NBPF14: variants seen among roughly 807,000 people sequenced by gnomAD.
NBPF14 encodes the protein NBPF family member NBPF14.
A neutral mutation model predicts 91.2 loss-of-function variants in NBPF14; 104 were observed. The observed-to-expected ratio is 1.14, with a 90% CI of 0.97 to 1.34. The LOEUF (loss-of-function observed/expected upper bound fraction) is 1.34. NBPF14 is among the 40% of genes most tolerant of loss of function. The pLI is 0.00. For missense variants in NBPF14, 908 were observed against 783.0 expected (o/e 1.16, Z -1.91); for synonymous variants, 294 against 303.8 (o/e 0.97, Z 0.34).
Position 148,579,071 on chromosome 1 carries a change from C to G in NBPF14, c.1801+3G>C. The G allele has an allele frequency of 1.9e-6, 1 of 536,166 alleles. No individual in the cohort carries two copies. The highest frequency in any genetic ancestry group is 2.0e-5 in the South Asian group (1 of 50,552). 33.2% of individuals were successfully genotyped at this position (536,166 alleles called of 1,614,324 possible). A position where few individuals can be genotyped will look rare whatever the true frequency, so the allele number is the denominator to read the frequency against. ...TTTATCACCTTCACAATGGAGTACT[C>G]ACTGCCTATGTCAACAGCCATGCAG... On this transcript the variant is annotated splice_donor_region_variant and intron_variant, in intron 13 of 70. Transcript: ENST00000619423.
chr1:148,587,361 T>C (rs1661717973), exon 8 of NBPF14: 3 of 1,582,956 alleles, frequency 1.9e-6, no homozygotes, highest in Non-Finnish European at 2.6e-6. Context: ...CTGTCGCTCA[T>C]TCCTCAGCAT....
chr1:148,538,201 T>C (rs1485102662), intron 64 of NBPF14, among the ~76,000 whole-genome samples, 195 bp from the exon 65 acceptor site: 164 of 44,942 alleles, frequency 3.6e-3, no homozygotes, highest in African/African-American at 0.017. Flanking sequence ...GAAAGACAGA[T>C]AGACACACAC....
intron 3 of NBPF14, among the ~76,000 whole-genome samples, chr1:148,593,165 G>A (rs1238527991): frequency 1.0e-4 from 15 of 146,818 alleles, no homozygotes; most frequent in East Asian, 1.9e-4. Flanking sequence ...CAGATGGGGC[G>A]AATTGAAAAG....
At chr1:148,533,819 G>C (rs1479043359) in intron 70 of NBPF14, 42 bp downstream of exon 70, 13 of 768,440 alleles carry the variant, frequency 1.7e-5, no homozygotes, top group Non-Finnish European at 2.9e-5. Flanking sequence ...TTGCCTCCAG[G>C]AGTTAACACA....
chr1:148,557,536 T>A lies in NBPF14; in HGVS notation c.4961A>T (p.Lys1654Ile), dbSNP rs1349661879. 7 of 1,076,282 alleles carry A rather than the reference T, an allele frequency of 6.5e-6. 1 individual carries two copies. The highest frequency in any genetic ancestry group is 5.7e-5 in the South Asian group (4 of 70,274). The allele number at this position is 1,076,282 out of a possible 1,614,324, so 66.7% of individuals were successfully genotyped here. A position where few individuals can be genotyped will look rare whatever the true frequency, so the allele number is the denominator to read the frequency against. Reference sequence around the variant, plus strand: ...GTCTTCTTCCTCTTCTTCGTCCTTTTTAAATCCTGCAATACATTCAGACAG... The same window carrying A: ...GTCTTCTTCCTCTTCTTCGTCCTTTATAAATCCTGCAATACATTCAGACAG... Residue 1654 changes from lysine (K) to isoleucine (I), a missense_variant, in exon 40 of 71, where the codon AAA (lysine) becomes ATA (isoleucine). Physicochemically the swap from Lys to Ile is moderately radical, Grantham distance 102. Coordinates refer to ENST00000619423, the Ensembl canonical transcript of NBPF14.
At chr1:148,534,592 T>A in intron 69 of NBPF14, 92 bp downstream of exon 69, 1 of 864,490 alleles carries the variant, frequency 1.2e-6, no homozygotes, top group Middle Eastern at 3.4e-4. Context: ...CAATGACATC[T>A]CTCGGGTGAG....
chr1:148,533,883 C>A (rs370126884), exon 70 of NBPF14: 4 of 759,584 alleles, frequency 5.3e-6, no homozygotes, highest in South Asian at 2.7e-5. Flanking sequence ...GGGTTTTGAT[C>A]TTCTTCCCCT....
chr1:148,566,131 A>G lies in NBPF14; in HGVS notation c.3715+12T>C, dbSNP rs1193340251. Reference sequence around the variant, plus strand: ...CAGTGGATCCTTATCACCTTCATAGAAAGGTACTCACCTCCCACGTCAAGA... The same window carrying G: ...CAGTGGATCCTTATCACCTTCATAGGAAGGTACTCACCTCCCACGTCAAGA... On this transcript the variant is annotated intron_variant, in intron 29 of 70. Transcript: ENST00000619423. 1 of 484,794 alleles carries G rather than the reference A, an allele frequency of 2.1e-6. No individual in the cohort carries two copies. The highest frequency in any genetic ancestry group is 3.5e-6 in the Non-Finnish European group (1 of 284,034). The allele number at this position is 484,794 out of a possible 1,614,324, so 30.0% of individuals were successfully genotyped here.
At chr1:148,594,933 T>G (rs1663066647) in intron 2 of NBPF14, among the ~76,000 whole-genome samples, 1 of 115,676 alleles carries the variant, frequency 8.6e-6, no homozygotes, top group Admixed American at 8.0e-5. Flanking sequence ...GCTGACCTCG[T>G]GCTCTGCCCG....
chr1:148,560,003 G>T (rs1239738631), intron 36 of NBPF14, 38 bp from the exon 37 acceptor site: 10 of 892,012 alleles, frequency 1.1e-5, no homozygotes, highest in Admixed American at 1.8e-5. Flanking sequence ...AAGCCAGGGG[G>T]AATCAGAAAC....
chr1:148,577,093 C>G lies in NBPF14; in HGVS notation c.2026+90G>C, dbSNP rs1373226958. 1.4e-5 allele frequency: 9 copies of G among 642,924 alleles called. 1 individual carries two copies. The highest frequency in any genetic ancestry group is 1.1e-4 in the East Asian group (4 of 36,286). The allele number at this position is 642,924 out of a possible 1,614,324, so 39.8% of individuals were successfully genotyped here. A position where few individuals can be genotyped will look rare whatever the true frequency, so the allele number is the denominator to read the frequency against. On this transcript the variant is annotated intron_variant, in intron 15 of 70. Transcript: ENST00000619423. ...GGTTCTCCCTGTGGCAATGACATCT[C>G]TCAGCTCAGTAAGGGCCACTTGCAG...
chr1:148,533,512 G>A (rs1336943719), intron 70 of NBPF14, among the ~76,000 whole-genome samples: 2 of 151,384 alleles, frequency 1.3e-5, no homozygotes, highest in East Asian at 3.9e-4. Context: ...TGACATACTG[G>A]TAAGGGAGTC....
intron 37 of NBPF14, among the ~76,000 whole-genome samples, 177 bp from the exon 38 acceptor site, chr1:148,559,249 T>C (rs1657140673): frequency 9.0e-6 from 1 of 111,384 alleles, no homozygotes; most frequent in South Asian, 3.6e-4. Context: ...TCCTTGGTTT[T>C]TGTCCCAGAA....
At chr1:148,532,056 G>A (rs1463908677) in exon 71 of NBPF14, 8 of 151,618 alleles carry the variant, frequency 5.3e-5, no homozygotes, top group Admixed American at 2.0e-4. Context: ...AAAAGATGAG[G>A]AAATATTTGG....
chr1:148,535,230 T>A (rs1654889475), intron 68 of NBPF14, among the ~76,000 whole-genome samples: 1 of 150,424 alleles, frequency 6.6e-6, no homozygotes, highest in Admixed American at 6.6e-5. Context: ...ACAGTTGCCA[T>A]ACAGCCTTTG....
intron 34 of NBPF14, 49 bp downstream of exon 34, chr1:148,562,187 A>G: frequency 5.7e-6 from 1 of 173,978 alleles, no homozygotes; most frequent in Non-Finnish European, 9.8e-6. Flanking sequence ...CTGAACCAGG[A>G]GTCTCCAGAT....
At chr1:148,533,302 AG>A (rs1654031271) in intron 70 of NBPF14, 54 bp from the exon 71 acceptor site, 2 of 510,932 alleles carry the variant, frequency 3.9e-6, no homozygotes, top group South Asian at 4.4e-5. Flanking sequence ...GACACCACAG[AG>A]CCCCAGCTAG....
intron 28 of NBPF14, 57 bp from the exon 29 acceptor site, chr1:148,566,372 C>G: frequency 2.7e-6 from 2 of 748,606 alleles, no homozygotes; most frequent in South Asian, 1.4e-5. Flanking sequence ...ACAACAGAGC[C>G]TCAACTAGGT....
exon 37 of NBPF14, chr1:148,559,956 C>T: frequency 9.5e-6 from 13 of 1,361,824 alleles, no homozygotes; most frequent in South Asian, 3.7e-5. Flanking sequence ...GCAGCAGCTC[C>T]CTGCTGAGCC....
Sources: gnomAD v4.1 joint callset for allele counts (sites outside exome capture counted in the v4.1 genomes callset) on GRCh38, gnomAD v4.1.1 for gene constraint, MANE v1.5 for transcripts, NCBI Gene and HGNC (gene_info 2026-07-23, HGNC 2026-07-21) for gene names.